Variants in ZNF84 observed in about 807,000 individuals in gnomAD.
The protein encoded by ZNF84 is zinc finger protein HPF2.
Under a neutral mutation model 14.8 loss-of-function variants are expected in ZNF84, and 12 were observed. That is an observed-to-expected ratio of 0.81 (90% CI 0.52 to 1.31). ZNF84 has a LOEUF of 1.31. Ranked by LOEUF, ZNF84 falls within the 50% of genes most tolerant of loss-of-function variation. ZNF84 has a pLI of 0.00. For synonymous variants in ZNF84, 347 were observed against 291.1 expected (o/e 1.19, Z -1.96); for missense variants, 859 against 878.6 (o/e 0.98, Z 0.28).
chr12:133,052,214 C>T (rs1318385659), intron 4 of ZNF84, among the ~76,000 whole-genome samples: 7 of 152,324 alleles, frequency 4.6e-5, no homozygotes, highest in African/African-American at 1.7e-4. Flanking sequence ...AAGGTACCAC[C>T]ATGATCTTTT....
intron 4 of ZNF84, among the ~76,000 whole-genome samples, chr12:133,049,354 C>T (rs1954036624): frequency 6.6e-6 from 1 of 152,162 alleles, no homozygotes; most frequent in African/African-American, 2.4e-5. Context: ...TGTTCAGTCT[C>T]ATTATATTAG....
Position 133,062,902 on chromosome 12 carries a change from C to G in ZNF84, c.*3970C>G. On this transcript the variant is annotated 3_prime_UTR_variant, in exon 5 of 5. Coordinates refer to ENST00000539354, the MANE Select transcript of ZNF84 (RefSeq NM_001289971.2). ...TTTTGCAAATCTGCAATTGAAATGC[C>G]CTTGTTCCTTGTTAATGCCTATTGA... The G allele has an allele frequency of 1.8e-6, 1 of 551,530 alleles. No individual in the cohort carries two copies. The highest frequency in any genetic ancestry group is 3.2e-6 in the Non-Finnish European group (1 of 309,384). The allele number at this position is 551,530 out of a possible 1,614,324, so 34.2% of individuals were successfully genotyped here.
chr12:133,052,739 A>T (rs981698971), intron 4 of ZNF84, among the ~76,000 whole-genome samples: 3 of 152,228 alleles, frequency 2.0e-5, no homozygotes, highest in African/African-American at 7.2e-5. Flanking sequence ...AAATACAGCC[A>T]TTCTGAGAGT....
At position 133,057,015 on chromosome 12, in the gene ZNF84, T is replaced by C; in HGVS notation, c.300T>C (p.Ile100=). 6.2e-7 allele frequency: 1 copy of C among 1,608,270 alleles called. No homozygotes were observed. The change falls in exon 5 of 5, where the codon ATT becomes ATC. Residue 100 remains isoleucine (I), a synonymous_variant. Coordinates refer to ENST00000539354, the MANE Select transcript of ZNF84 (RefSeq NM_001289971.2). ...WHQDNQDKLK[I]IKRGHECDAF... ...AGGATAACCAAGACAAGCTTAAAAT[T>C]ATAAAAAGAGGTCATGAATGTGATG... is the stretch of plus-strand genomic sequence containing the variant.
At chr12:133,051,369 C>G (rs1368545013) in intron 4 of ZNF84, among the ~76,000 whole-genome samples, 1 of 152,032 alleles carries the variant, frequency 6.6e-6, no homozygotes, top group Non-Finnish European at 1.5e-5. Context: ...AGTGGAGAGC[C>G]TAATTATCAA....
At position 133,059,172 on chromosome 12, in the gene ZNF84, G is replaced by A. The variant is rs1457985825; in HGVS notation, c.*240G>A. The stretch of plus-strand genomic sequence containing the variant: ...AGCCTTATAGAGTAGAACATTCACA[G>A]CAAAGAAGAATCCTGTGAATGTCCA... On this transcript the variant is annotated 3_prime_UTR_variant, in exon 5 of 5. Transcript: ENST00000539354. 2 of 426,758 alleles carry A rather than the reference G, an allele frequency of 4.7e-6. No homozygotes were observed. The highest frequency in any genetic ancestry group is 8.2e-6 in the Non-Finnish European group (2 of 242,926). 26.4% of individuals were successfully genotyped at this position (426,758 alleles called of 1,614,324 possible).
intron 2 of ZNF84, among the ~76,000 whole-genome samples, chr12:133,044,394 A>G (rs1361726307): frequency 6.6e-6 from 1 of 151,196 alleles, no homozygotes; most frequent in African/African-American, 2.4e-5. Context: ...GCCTCAAACA[A>G]TTCTCCTGCC....
intron 2 of ZNF84, among the ~76,000 whole-genome samples, chr12:133,046,755 A>G (rs924282901): frequency 3.3e-5 from 5 of 150,332 alleles, no homozygotes; most frequent in Non-Finnish European, 7.4e-5. Context: ...TCGACCTCCC[A>G]GGGTCAAACA....
rs1954250950 is a variant in ZNF84, at chr12:133,060,870, A to AT, written c.*1944dup. The AT allele has an allele frequency of 1.3e-5, 2 of 152,200 alleles. No homozygotes were observed. Among genetic ancestry groups the AT allele is most frequent in the Admixed American group, 1.3e-4 (2 of 15,282 alleles). The allele number at this position is 152,200 out of a possible 1,614,324, so 9.4% of individuals were successfully genotyped here. A position where few individuals can be genotyped will look rare whatever the true frequency, so the allele number is the denominator to read the frequency against. ...AATAATGTTGCTTGGCAAAGTTAAT[A>AT]TTTTTTGTATGCTGATGAAATTTAG... On this transcript the variant is annotated 3_prime_UTR_variant, in exon 5 of 5. Transcript: ENST00000539354.
At chr12:133,056,115 C>T (rs1399825506) in intron 4 of ZNF84, among the ~76,000 whole-genome samples, 1 of 152,104 alleles carries the variant, frequency 6.6e-6, no homozygotes, top group African/African-American at 2.4e-5. Flanking sequence ...ATTGTTTAAG[C>T]TTGAAATGAC....
chr12:133,054,128 T>G (rs1954113251), intron 4 of ZNF84, among the ~76,000 whole-genome samples: 1 of 152,146 alleles, frequency 6.6e-6, no homozygotes, highest in Non-Finnish European at 1.5e-5. Flanking sequence ...AGACCAAGTC[T>G]CTTACTGGTT....
chr12:133,038,675 T>C (rs1953832819), intron 1 of ZNF84, among the ~76,000 whole-genome samples: 1 of 152,214 alleles, frequency 6.6e-6, no homozygotes, highest in South Asian at 2.1e-4. Context: ...GAGGTCAAAT[T>C]ATCTTCACAA....
chr12:133,048,120 A>G (rs201587592), intron 3 of ZNF84, 39 bp downstream of exon 3: 1,746 of 1,561,210 alleles, frequency 1.1e-3, no homozygotes, highest in Non-Finnish European at 1.5e-3. Flanking sequence ...ACTATGCCCA[A>G]TGCATTGCCT....
intron 1 of ZNF84, among the ~76,000 whole-genome samples, chr12:133,038,499 T>C (rs1953828640): frequency 6.6e-6 from 1 of 151,670 alleles, no homozygotes; most frequent in African/African-American, 2.4e-5. Flanking sequence ...AGTTCAGGGC[T>C]GCAGTGAGCT....
chr12:133,042,494 C>G (rs1173263786), intron 2 of ZNF84, among the ~76,000 whole-genome samples: 1 of 151,974 alleles, frequency 6.6e-6, no homozygotes, highest in African/African-American at 2.4e-5. Flanking sequence ...TTTACTGTAC[C>G]TAATTCATAA....
chr12:133,058,530 G>A lies in ZNF84; in HGVS notation c.1815G>A (p.Arg605=). The A allele has an allele frequency of 6.2e-7, 1 of 1,614,040 alleles. No homozygotes were observed. Among genetic ancestry groups the A allele is most frequent in the South Asian group, 1.1e-5 (1 of 91,080 alleles). Residue 605 remains arginine (R), a synonymous_variant, in exon 5 of 5, where the codon AGG becomes AGA. Coordinates refer to ENST00000539354, the MANE Select transcript of ZNF84 (RefSeq NM_001289971.2). The part of the protein sequence containing the change: ...GEKPYECSLC[R]KAFFEKSELI... ...AACCCTATGAATGCAGTCTTTGTAG[G>A]AAAGCTTTTTTTGAGAAGTCGGAGC... is the stretch of plus-strand genomic sequence containing the variant.
chr12:133,058,341 C>T lies in ZNF84; in HGVS notation c.1626C>T (p.Pro542=). ...SHQRTHTGEK[P]YECSECGKAF... Reference sequence around the variant, plus strand: ...AGAGGACACATACAGGGGAGAAACCCTATGAATGCAGTGAATGTGGGAAGG... The same window carrying T: ...AGAGGACACATACAGGGGAGAAACCTTATGAATGCAGTGAATGTGGGAAGG... Residue 542 remains proline, a synonymous_variant, in exon 5 of 5, where the codon CCC becomes CCT. Transcript: ENST00000539354. The T allele has an allele frequency of 1.2e-6, 2 of 1,613,844 alleles. No homozygotes were observed. The highest frequency in any genetic ancestry group is 4.5e-5 in the East Asian group (2 of 44,854).
At chr12:133,048,902 G>T in intron 4 of ZNF84, 54 bp downstream of exon 4, 1 of 1,453,846 alleles carries the variant, frequency 6.9e-7, no homozygotes, top group South Asian at 1.2e-5. Flanking sequence ...CATGTCATCT[G>T]GTCAGTGACG....
At chr12:133,045,190 G>C (rs2137350862) in intron 2 of ZNF84, among the ~76,000 whole-genome samples, 1 of 152,194 alleles carries the variant, frequency 6.6e-6, no homozygotes, top group South Asian at 2.1e-4. Context: ...CTTACTCTCA[G>C]CTGGGCACGG....
Sources: allele counts gnomAD v4.1 joint callset (sites outside exome capture counted in the v4.1 genomes callset), GRCh38; gene constraint gnomAD v4.1.1; transcripts MANE v1.5; gene names NCBI Gene and HGNC (gene_info 2026-07-23, HGNC 2026-07-21).